MYO3A: variants seen among roughly 807,000 people sequenced by gnomAD.
MYO3A encodes the protein myosin IIIA.
Under a neutral mutation model 192.7 loss-of-function variants are expected in MYO3A, and 180 were observed. The observed-to-expected ratio is 0.93, with a 90% CI of 0.83 to 1.06. The LOEUF (loss-of-function observed/expected upper bound fraction) is 1.06, where lower values mean the gene tolerates loss of function less well. Among genes scored for constraint, MYO3A ranks in the 50% least tolerant of loss-of-function variants. The probability of loss-of-function intolerance (pLI) is 0.00; values close to 1 mark genes in which losing one functional copy is unlikely to be tolerated. For synonymous variants in MYO3A, 628 were observed against 645.3 expected, an observed-to-expected ratio of 0.97 and a Z score of 0.41; for missense variants, 1,896 against 1,905.0, an observed-to-expected ratio of 1.00 and a Z score of 0.09.
chr10:26,198,684 G>C (rs2132185849), intron 32 of MYO3A, among the ~76,000 whole-genome samples: 1 of 152,232 alleles, frequency 6.6e-6, no homozygotes, highest in East Asian at 1.9e-4. Flanking sequence ...TGTCGGGTGG[G>C]GCTGGAGGGG....
At chr10:26,016,758 C>T in intron 6 of MYO3A, 62 bp from the exon 7 acceptor site, 2 of 1,450,486 alleles carry the variant, frequency 1.4e-6, no homozygotes, top group East Asian at 2.3e-5. Flanking sequence ...AAGATTATAG[C>T]AATTGAAAGC....
chr10:26,116,029 T>G (rs2131672005), intron 17 of MYO3A, among the ~76,000 whole-genome samples: 1 of 152,272 alleles, frequency 6.6e-6, no homozygotes, highest in South Asian at 2.1e-4. Context: ...ATATTAACAG[T>G]TTTAGATATT....
Position 26,173,181 on chromosome 10 carries a change from G to A in MYO3A, c.3399-482G>A, listed in dbSNP as rs573934547. On this transcript the variant is annotated intron_variant, in intron 29 of 34. Transcript: ENST00000642920. ...GTATTACATGATCATGAACTGTAGC[G>A]AGGACATTGCTTTTCCTTTAATTTT... Among the ~76,000 whole-genome samples, 19 of 152,182 alleles carry A rather than the reference G, an allele frequency of 1.2e-4. 1 individual carries two copies. In the South Asian group the frequency reaches 3.1e-3, roughly 25 times the overall value.
intron 26 of MYO3A, among the ~76,000 whole-genome samples, chr10:26,159,018 T>C (rs928563904): frequency 3.3e-5 from 5 of 151,960 alleles, no homozygotes; most frequent in African/African-American, 1.2e-4. Context: ...AATTTTTTTT[T>C]TTTTTTTGAG....
intron 4 of MYO3A, among the ~76,000 whole-genome samples, chr10:25,983,642 C>G (rs1839472800): frequency 6.6e-6 from 1 of 152,046 alleles, no homozygotes; most frequent in Non-Finnish European, 1.5e-5. Context: ...AATTGGTGCT[C>G]CTGAGGAAGA....
intron 24 of MYO3A, 129 bp from the exon 25 acceptor site, chr10:26,154,617 C>T (rs1398351429): frequency 1.2e-5 from 9 of 781,752 alleles, no homozygotes; most frequent in Non-Finnish European, 1.7e-5. Flanking sequence ...GGAAGAATAT[C>T]AACATTTTGC....
At chr10:26,049,648 A>AC (rs1843851957) in intron 10 of MYO3A, among the ~76,000 whole-genome samples, 1 of 146,242 alleles carries the variant, frequency 6.8e-6, no homozygotes, top group African/African-American at 2.5e-5. Flanking sequence ...TGCAAAGATG[A>AC]AATTCTTTCT....
chr10:26,000,330 C>T (rs994931225), intron 6 of MYO3A, among the ~76,000 whole-genome samples: 2 of 152,198 alleles, frequency 1.3e-5, no homozygotes, highest in Non-Finnish European at 1.5e-5. Flanking sequence ...AATTTATTGA[C>T]GTGCTTTTTC....
intron 31 of MYO3A, among the ~76,000 whole-genome samples, chr10:26,179,089 A>ATTTTTTTTTTT (rs59025321): frequency 4.5e-5 from 3 of 66,136 alleles, no homozygotes; most frequent in African/African-American, 6.9e-5. Flanking sequence ...GCCCAGCCTA[A>ATTTTTTTTTTT]TTTTTTTTTT....
At chr10:26,121,260 AG>A (rs1365404068) in intron 18 of MYO3A, among the ~76,000 whole-genome samples, 1 of 151,768 alleles carries the variant, frequency 6.6e-6, no homozygotes, top group African/African-American at 2.4e-5. Context: ...AGCATGTCAT[AG>A]TATTTGCTTC....
intron 4 of MYO3A, among the ~76,000 whole-genome samples, chr10:25,957,869 A>G (rs1194185525): frequency 6.6e-6 from 1 of 152,026 alleles, no homozygotes; most frequent in Non-Finnish European, 1.5e-5. Flanking sequence ...TTCATATGCT[A>G]TTGGCTACAT....
chr10:26,106,017 T>C (rs575878684), intron 17 of MYO3A, among the ~76,000 whole-genome samples: 4 of 152,200 alleles, frequency 2.6e-5, no homozygotes, highest in African/African-American at 9.6e-5. Context: ...TTCTGTTGTC[T>C]TGATTACAGT....
intron 6 of MYO3A, among the ~76,000 whole-genome samples, chr10:26,001,388 G>A (rs1840801328): frequency 6.9e-6 from 1 of 144,998 alleles, no homozygotes; most frequent in Admixed American, 6.8e-5. Flanking sequence ...AAGGGGGGTG[G>A]GTGTACAGTG....
intron 26 of MYO3A, among the ~76,000 whole-genome samples, chr10:26,158,521 C>T (rs185359285): frequency 1.2e-3 from 180 of 152,192 alleles, no homozygotes; most frequent in African/African-American, 4.1e-3. Context: ...TCCCAAAGTG[C>T]TAGGATTACA....
intron 10 of MYO3A, among the ~76,000 whole-genome samples, chr10:26,041,673 A>G (rs907316114): frequency 1.3e-5 from 2 of 148,966 alleles, no homozygotes; most frequent in Non-Finnish European, 3.0e-5. Flanking sequence ...ACAACTTAAC[A>G]ATGTTTGCAT....
chr10:26,099,821 T>A (rs551324413), intron 17 of MYO3A, among the ~76,000 whole-genome samples: 7 of 152,334 alleles, frequency 4.6e-5, no homozygotes, highest in African/African-American at 1.7e-4. Flanking sequence ...GCCAGTATTT[T>A]ATTGAGGATT....
chr10:26,167,781 CG>C (rs1260366696), intron 27 of MYO3A, among the ~76,000 whole-genome samples: 2 of 152,132 alleles, frequency 1.3e-5, no homozygotes, highest in African/African-American at 4.8e-5. Flanking sequence ...GTAACACAAA[CG>C]TGTTTACCCA....
intron 10 of MYO3A, among the ~76,000 whole-genome samples, chr10:26,052,302 G>T (rs1844051472): frequency 6.6e-6 from 1 of 152,146 alleles, no homozygotes; most frequent in Non-Finnish European, 1.5e-5. Context: ...CCAGATTAAA[G>T]TACATCTTTA....
At chr10:26,144,106 G>A (rs550088304) in intron 21 of MYO3A, among the ~76,000 whole-genome samples, 2 of 151,846 alleles carry the variant, frequency 1.3e-5, no homozygotes, top group Admixed American at 6.6e-5. Flanking sequence ...AAGATTAAAT[G>A]TATTCATTTT....
Sources: allele counts gnomAD v4.1 joint callset (sites outside exome capture counted in the v4.1 genomes callset), GRCh38; gene constraint gnomAD v4.1.1; transcripts MANE v1.5; gene names NCBI Gene and HGNC (gene_info 2026-07-23, HGNC 2026-07-21).